Variants in MMP7 observed in about 807,000 individuals in gnomAD.
MMP7 encodes matrilysin.
A neutral mutation model predicts 31.5 loss-of-function variants in MMP7; 26 were observed. That is an observed-to-expected ratio of 0.83 (90% confidence interval 0.61 to 1.15). The LOEUF is 1.15. MMP7 is among the 50% of genes most tolerant of loss of function. MMP7 has a pLI of 0.00. For missense variants in MMP7, 367 were observed against 326.5 expected (o/e 1.12, Z -0.96); for synonymous variants, 142 against 124.2 (o/e 1.14, Z -0.95).
At chr11:102,520,947 T>G (rs1858606701) in intron 5 of MMP7, 143 bp from the exon 6 acceptor site, 3 of 595,466 alleles carry the variant, frequency 5.0e-6, no homozygotes. Context: ...ACAAAGATTC[T>G]GAAGAACAAC....
intron 5 of MMP7, among the ~76,000 whole-genome samples, chr11:102,521,627 C>A (rs75952733): frequency 1.3e-5 from 2 of 152,162 alleles, no homozygotes; most frequent in Admixed American, 6.5e-5. Context: ...TAATTAAATT[C>A]TATTTCCATT....
rs1439248884 is a variant in MMP7, at chr11:102,530,732, C to T, written c.-32G>A. On this transcript the variant is annotated 5_prime_UTR_variant, in exon 1 of 6. Transcript: ENST00000260227. ...CGTCCAGAGACAATTGTTCTTGGACCTATGGTTGATTTGGTGTTTTCTGCT... is the reference window on the plus strand; with the variant it reads ...CGTCCAGAGACAATTGTTCTTGGACTTATGGTTGATTTGGTGTTTTCTGCT... 2 of 1,588,788 alleles carry T rather than the reference C, an allele frequency of 1.3e-6. No homozygotes were observed. The highest frequency in any genetic ancestry group is 2.2e-5 in the East Asian group (1 of 44,606).
At chr11:102,524,763 G>T in intron 4 of MMP7, 173 bp downstream of exon 4, 1 of 587,212 alleles carries the variant, frequency 1.7e-6, no homozygotes, top group Non-Finnish European at 2.5e-6. Context: ...TCCATCTTCT[G>T]TGTGTAGCAT....
intron 3 of MMP7, among the ~76,000 whole-genome samples, chr11:102,526,369 A>C (rs991550275): frequency 7.9e-5 from 12 of 151,670 alleles, no homozygotes; most frequent in Admixed American, 3.3e-4. Flanking sequence ...CCTCCCAAGC[A>C]GCTGGAATTA....
chr11:102,529,115 C>A (rs1306980022), intron 1 of MMP7, among the ~76,000 whole-genome samples: 6 of 152,136 alleles, frequency 3.9e-5, no homozygotes, highest in African/African-American at 1.4e-4. Context: ...TAAACATTGG[C>A]TCACTAATTT....
chr11:102,520,782 C>A lies in MMP7; in HGVS notation c.798G>T (p.Lys266Asn). The change falls in exon 6 of 6, where the codon AAG becomes AAT. Residue 266 changes from lysine (K) to asparagine (N), a missense_variant. Physicochemically the swap from Lys to Asn is moderately conservative, Grantham distance 94 (BLOSUM62 0). Transcript: ENST00000260227. Reference sequence around the variant, plus strand: ...GATGTTCTGCCTGAAGTTTCTATTTCTTTCTTGAATTACTTCTCTTTCCTA... The same window carrying A: ...GATGTTCTGCCTGAAGTTTCTATTTATTTCTTGAATTACTTCTCTTTCCTA... ...KLYGKRSNSR[K>N]K is the part of the protein sequence containing the mutation. 6.4e-7 allele frequency: 1 copy of A among 1,568,982 alleles called. No homozygotes were observed. Among genetic ancestry groups the A allele is most frequent in the Non-Finnish European group, 8.7e-7 (1 of 1,151,122 alleles).
In MMP7 at chr11:102,523,245, A is replaced by C; in HGVS notation, c.770T>G (p.Leu257Arg). The C allele has an allele frequency of 6.3e-7, 1 of 1,598,416 alleles. No individual in the cohort carries two copies. The highest frequency in any genetic ancestry group is 1.3e-5 in the African/African-American group (1 of 74,432). The stretch of plus-strand genomic sequence containing the variant: ...TTTGAAATAATAAATATTACCATAT[A>C]GTTTCTGAATGCCTTTAATATCATC... Reference protein sequence around the residue: ...SQDDIKGIQKLYGKRSNSRKK With the variant: ...SQDDIKGIQKRYGKRSNSRKK Residue 257 changes from leucine to arginine, a missense_variant, in exon 5 of 6, where the codon CTA (leucine) becomes CGA (arginine). Transcript: ENST00000260227.
At chr11:102,523,424 C>A in intron 4 of MMP7, 23 bp from the exon 5 acceptor site, 1 of 1,548,760 alleles carries the variant, frequency 6.5e-7, no homozygotes, top group South Asian at 1.3e-5. Flanking sequence ...AAGTGACAAA[C>A]AGTAATGATA....
intron 4 of MMP7, chr11:102,524,726 G>C: frequency 2.7e-6 from 1 of 364,688 alleles, no homozygotes; most frequent in Non-Finnish European, 4.6e-6. Flanking sequence ...AATTGGATCA[G>C]TGGTGCTTGA....
chr11:102,527,962 G>A lies in MMP7; in HGVS notation c.130C>T (p.Leu44Phe). The change falls in exon 2 of 6, where the codon CTC (leucine) becomes TTC (phenylalanine). Residue 44 changes from leucine to phenylalanine, a missense_variant. Physicochemically the swap from Leu to Phe is conservative, Grantham distance 22. Transcript: ENST00000260227. The part of the protein sequence containing the change: ...QAQDYLKRFY[L>F]YDSETKNANS... The stretch of plus-strand genomic sequence containing the variant: ...GCATTTTTTGTTTCTGAGTCATAGA[G>A]ATAAAATCTCTTGAGATAGTCCTAT... 1 of 1,613,318 alleles carries A rather than the reference G, an allele frequency of 6.2e-7. No individual in the cohort carries two copies. Among genetic ancestry groups the A allele is most frequent in the East Asian group, 2.2e-5 (1 of 44,868 alleles).
rs570767294 is a variant in MMP7 at position 102,522,892 on chromosome 11, G to T, written c.775+348C>A. Among the ~76,000 whole-genome samples the T allele has an allele frequency of 6.6e-5, 10 of 152,310 alleles. 1 individual carries two copies. In the South Asian group the frequency reaches 1.7e-3, roughly 25 times the overall value. On this transcript the variant is annotated intron_variant, in intron 5 of 5. Coordinates refer to ENST00000260227, the MANE Select transcript of MMP7 (RefSeq NM_002423.5). ...TAGGAGTGGGCAGCTATGAAGAAAGGTGTTTTGTCCCTTCAGTCCACCCCT... is the reference window on the plus strand; with the variant it reads ...TAGGAGTGGGCAGCTATGAAGAAAGTTGTTTTGTCCCTTCAGTCCACCCCT...
chr11:102,527,702 C>T, intron 2 of MMP7, 30 bp from the exon 3 acceptor site: 2 of 1,613,236 alleles, frequency 1.2e-6, no homozygotes, highest in Non-Finnish European at 1.7e-6. Context: ...CAATGTTTGA[C>T]CCCTAGGAAA....
chr11:102,525,960 T>C (rs1236588498), intron 3 of MMP7, among the ~76,000 whole-genome samples: 1 of 151,888 alleles, frequency 6.6e-6, no homozygotes, highest in Non-Finnish European at 1.5e-5. Context: ...AGTGCCATGA[T>C]TAGTGCTTTC....
chr11:102,521,806 C>G lies in MMP7; in HGVS notation c.776-1002G>C, dbSNP rs538067070. On this transcript the variant is annotated intron_variant, in intron 5 of 5. Coordinates refer to ENST00000260227, the MANE Select transcript of MMP7 (RefSeq NM_002423.5). ...AGGGTTCTAAAATATTTATAGACTG[C>G]TATAGAATATTCCATGAGTTCCACA... Among the ~76,000 whole-genome samples the G allele has an allele frequency of 2.6e-5, 4 of 152,278 alleles. No individual in the cohort carries two copies. In the East Asian group the frequency reaches 7.7e-4, roughly 29 times the overall value.
chr11:102,525,180 C>A, intron 3 of MMP7, 116 bp from the exon 4 acceptor site: 1 of 1,300,218 alleles, frequency 7.7e-7, no homozygotes, highest in Non-Finnish European at 1.0e-6. Context: ...CCAGGCCAGG[C>A]ATGGTGGCTC....
chr11:102,526,175 A>G (rs1196522633), intron 3 of MMP7, among the ~76,000 whole-genome samples: 1 of 150,150 alleles, frequency 6.7e-6, no homozygotes, highest in Non-Finnish European at 1.5e-5. Context: ...TATAACACAT[A>G]TACTAAAAAA....
chr11:102,528,938 A>G (rs940764303), intron 1 of MMP7, among the ~76,000 whole-genome samples: 1 of 152,198 alleles, frequency 6.6e-6, no homozygotes, highest in African/African-American at 2.4e-5. Context: ...TGTTATCCCT[A>G]TTTTATACAT....
intron 1 of MMP7, among the ~76,000 whole-genome samples, chr11:102,529,047 A>G (rs527617035): frequency 1.3e-5 from 2 of 152,338 alleles, no homozygotes; most frequent in South Asian, 4.2e-4. Context: ...TGACTTCTAT[A>G]CATTAGAAAC....
chr11:102,522,093 C>T (rs530469896), intron 5 of MMP7, among the ~76,000 whole-genome samples: 54 of 152,332 alleles, frequency 3.5e-4, no homozygotes, highest in African/African-American at 1.1e-3. Context: ...GTCTATACAC[C>T]TGAAATACAG....
Sources: gnomAD v4.1 joint callset for allele counts (sites outside exome capture counted in the v4.1 genomes callset) on GRCh38, gnomAD v4.1.1 for gene constraint, MANE v1.5 for transcripts, NCBI Gene and HGNC (gene_info 2026-07-23, HGNC 2026-07-21) for gene names.